Variants in GLIPR1L1 observed in about 807,000 individuals in gnomAD.
GLIPR1L1 encodes the protein GLIPR1 like 1, also known as GLIPR1-like protein 1.
In GLIPR1L1, 26 loss-of-function variants were observed where a neutral mutation model predicts 29.9. The observed-to-expected ratio is 0.87, with a 90% CI of 0.64 to 1.21. The LOEUF (loss-of-function observed/expected upper bound fraction) is 1.21. Ranked by LOEUF, GLIPR1L1 falls within the 50% of genes most tolerant of loss-of-function variation. The pLI, the probability that GLIPR1L1 is intolerant of heterozygous loss-of-function variation, is 0.00. For missense variants in GLIPR1L1, 305 were observed against 290.3 expected, an observed-to-expected ratio of 1.05 and a Z score of -0.37; for synonymous variants, 77 against 97.5, an observed-to-expected ratio of 0.79 and a Z score of 1.24.
At chr12:75,339,416 T>C (rs2041954043) in intron 1 of GLIPR1L1, among the ~76,000 whole-genome samples, 1 of 152,332 alleles carries the variant, frequency 6.6e-6, no homozygotes, top group East Asian at 1.9e-4. Flanking sequence ...GAAGTGTCTG[T>C]TCATGTCCTT....
chr12:75,364,750 GC>G (rs2043851393), intron 4 of GLIPR1L1: 1 of 152,174 alleles, frequency 6.6e-6, no homozygotes, highest in South Asian at 2.1e-4. Flanking sequence ...GGAATTTAGA[GC>G]TTTTTGTTGT....
At chr12:75,368,395 C>T (rs1156407918) in intron 4 of GLIPR1L1, among the ~76,000 whole-genome samples, 2 of 150,986 alleles carry the variant, frequency 1.3e-5, no homozygotes, top group African/African-American at 4.9e-5. Context: ...ACTAATGCTA[C>T]TTCTTTTCTT....
chr12:75,340,899 G>C (rs1003252556), intron 1 of GLIPR1L1, among the ~76,000 whole-genome samples: 4 of 151,700 alleles, frequency 2.6e-5, no homozygotes, highest in Non-Finnish European at 4.4e-5. Flanking sequence ...CACCAATTAG[G>C]AAAGCAAAAA....
rs1306570923 is a variant in GLIPR1L1 at position 75,334,704 on chromosome 12, T to C, written c.-25T>C. On this transcript the variant is annotated 5_prime_UTR_variant, in exon 1 of 6. Transcript: ENST00000378695. Reference sequence around the variant, plus strand: ...GTTACTGGTCCGCGCAGTCAGGGCATCCTCCGCATCCTCCACATCCTTCCA... The same window carrying C: ...GTTACTGGTCCGCGCAGTCAGGGCACCCTCCGCATCCTCCACATCCTTCCA... The C allele has an allele frequency of 6.2e-7, 1 of 1,602,684 alleles. No homozygotes were observed. The highest frequency in any genetic ancestry group is 2.2e-5 in the East Asian group (1 of 44,822).
intron 3 of GLIPR1L1, among the ~76,000 whole-genome samples, chr12:75,362,106 C>A (rs145606801): frequency 9.7e-4 from 147 of 152,102 alleles, no homozygotes; most frequent in Middle Eastern, 3.4e-3. Flanking sequence ...AGTCTGTAAA[C>A]AACAATAATA....
At chr12:75,364,686 C>G (rs1319454690) in intron 4 of GLIPR1L1, 1 of 152,176 alleles carries the variant, frequency 6.6e-6, no homozygotes, top group Non-Finnish European at 1.5e-5. Flanking sequence ...TAGTTACAGA[C>G]TTATAGCAAT....
Position 75,342,395 on chromosome 12 carries a change from C to T in GLIPR1L1, c.175-1298C>T, listed in dbSNP as rs192720803. Among the ~76,000 whole-genome samples the T allele has an allele frequency of 5.5e-4, 83 of 152,270 alleles. 3 individuals are homozygous for T. Among genetic ancestry groups the T allele is most frequent in the Admixed American group, 4.8e-3 (73 of 15,302 alleles). ...TTGGGAAAAGTAGGTGAAGTCTACA[C>T]AGGACCCCTGTGTATTATTTTTGTA... On this transcript the variant is annotated intron_variant, in intron 1 of 5. Transcript: ENST00000378695.
chr12:75,354,383 T>C, intron 3 of GLIPR1L1, among the ~76,000 whole-genome samples: 1 of 151,766 alleles, frequency 6.6e-6, no homozygotes, highest in African/African-American at 2.4e-5. Context: ...CCATTCACAA[T>C]TGCTAGAAAG....
chr12:75,368,635 G>A (rs1014632958), intron 4 of GLIPR1L1, among the ~76,000 whole-genome samples: 1 of 151,778 alleles, frequency 6.6e-6, no homozygotes. Context: ...TTAGAATTGT[G>A]CTTGGCCATA....
intron 4 of GLIPR1L1, among the ~76,000 whole-genome samples, chr12:75,368,635 G>T (rs1014632958): frequency 7.9e-5 from 12 of 151,778 alleles, no homozygotes; most frequent in African/African-American, 2.9e-4. Context: ...TTAGAATTGT[G>T]CTTGGCCATA....
intron 3 of GLIPR1L1, among the ~76,000 whole-genome samples, chr12:75,361,254 C>A (rs1219392511): frequency 2.0e-5 from 3 of 151,998 alleles, no homozygotes; most frequent in African/African-American, 7.3e-5. Context: ...AAGCTGGCCA[C>A]AACAGTGTAG....
At chr12:75,364,801 G>A (rs1366939412) in intron 4 of GLIPR1L1, 1 of 151,962 alleles carries the variant, frequency 6.6e-6, no homozygotes, top group Non-Finnish European at 1.5e-5. Context: ...TGTGTCCCAA[G>A]GTGTCTGATA....
chr12:75,352,549 T>G (rs1164915995), intron 3 of GLIPR1L1, among the ~76,000 whole-genome samples: 1 of 152,152 alleles, frequency 6.6e-6, no homozygotes, highest in Non-Finnish European at 1.5e-5. Flanking sequence ...CACACAATAA[T>G]AGTGGAAGAT....
At position 75,347,722 on chromosome 12, in the gene GLIPR1L1, CG is replaced by C. The variant is rs1408211606; in HGVS notation, c.521+1del. The C allele has an allele frequency of 6.4e-7, 1 of 1,569,268 alleles. No homozygotes were observed. The highest frequency in any genetic ancestry group is 1.4e-5 in the African/African-American group (1 of 73,632). On this transcript the variant is annotated splice_donor_variant, in intron 3 of 5. Coordinates refer to ENST00000378695, the MANE Select transcript of GLIPR1L1 (RefSeq NM_001304964.2). LOFTEE classifies it high-confidence loss of function. ...ATATTTGTATGCAACTACGGACCTG[CG>C]TGAGTTATTTTCTCTTAAAAATATT...
intron 1 of GLIPR1L1, among the ~76,000 whole-genome samples, chr12:75,342,417 T>C (rs930772057): frequency 2.0e-5 from 3 of 152,226 alleles, no homozygotes; most frequent in African/African-American, 7.2e-5. Flanking sequence ...GTATTATTTT[T>C]GTAACTTCTT....
intron 3 of GLIPR1L1, among the ~76,000 whole-genome samples, chr12:75,351,949 C>A (rs566790160): frequency 1.4e-4 from 21 of 152,142 alleles, no homozygotes; most frequent in Non-Finnish European, 4.4e-5. Flanking sequence ...TTCAGACAAG[C>A]AAATGCTGAG....
At chr12:75,353,246 C>T (rs1346188787) in intron 3 of GLIPR1L1, among the ~76,000 whole-genome samples, 9 of 151,866 alleles carry the variant, frequency 5.9e-5, no homozygotes, top group African/African-American at 1.7e-4. Context: ...AGATAGACTA[C>T]TAACTAAATA....
intron 3 of GLIPR1L1, among the ~76,000 whole-genome samples, chr12:75,362,207 A>T (rs1057391404): frequency 6.6e-6 from 1 of 152,162 alleles, no homozygotes; most frequent in African/African-American, 2.4e-5. Flanking sequence ...CTCAATTTTA[A>T]TTTTTTTTAA....
At chr12:75,354,718 G>A (rs1322242454) in intron 3 of GLIPR1L1, among the ~76,000 whole-genome samples, 1 of 152,138 alleles carries the variant, frequency 6.6e-6, no homozygotes, top group Non-Finnish European at 1.5e-5. Flanking sequence ...CACACTACCT[G>A]ACTTCAAACT....
Sources: allele counts gnomAD v4.1 joint callset (sites outside exome capture counted in the v4.1 genomes callset), GRCh38; gene constraint gnomAD v4.1.1; transcripts MANE v1.5; gene names NCBI Gene and HGNC (gene_info 2026-07-23, HGNC 2026-07-21).